Variants in ABR observed in about 807,000 individuals in gnomAD.
ABR encodes the protein active breakpoint cluster region-related protein.
ABR carries 35 observed loss-of-function variants against 107.2 expected under a neutral mutation model. That is an observed-to-expected ratio of 0.33 (90% CI 0.25 to 0.43). The LOEUF (loss-of-function observed/expected upper bound fraction) is 0.43. Among genes scored for constraint, ABR ranks in the 20% least tolerant of loss-of-function variants. The pLI, the probability that ABR is intolerant of heterozygous loss-of-function variation, is 1.00. For missense variants in ABR, 815 were observed against 1,115.2 expected (o/e 0.73, Z 3.83); for synonymous variants, 498 against 462.0 (o/e 1.08, Z -1.00).
chr17:1,058,793 C>T lies in ABR; in HGVS notation c.1257G>A (p.Leu419=). The change falls in exon 11 of 23, where the codon CTG becomes CTA. Residue 419 remains leucine (L), a synonymous_variant. Coordinates refer to ENST00000302538, the MANE Select transcript of ABR (RefSeq NM_021962.5). The stretch of plus-strand genomic sequence containing the variant: ...TGAACGGGATTGTGGGGGAGTTGAG[C>T]AGCAGCAGGAACTCATTCTCAAACA... ...KKMFENEFLL[L]LNSPTIPFRI... 3 of 1,614,058 alleles carry T rather than the reference C, an allele frequency of 1.9e-6. No individual in the cohort carries two copies. Among genetic ancestry groups the T allele is most frequent in the Non-Finnish European group, 1.7e-6 (2 of 1,180,018 alleles).
At chr17:1,006,263 T>G in intron 22 of ABR, 94 bp from the exon 23 acceptor site, 1 of 1,165,364 alleles carries the variant, frequency 8.6e-7, no homozygotes, top group Non-Finnish European at 1.2e-6. Context: ...CTCCCTAGAC[T>G]GGCTCCGGCC....
chr17:1,156,568 C>T (rs1292128732), intron 1 of ABR, among the ~76,000 whole-genome samples: 1 of 152,100 alleles, frequency 6.6e-6, no homozygotes, highest in Non-Finnish European at 1.5e-5. Context: ...CCTACAATCC[C>T]AGCTACTTGG....
chr17:1,137,791 A>G (rs58957705), intron 1 of ABR, among the ~76,000 whole-genome samples: 2,066 of 152,122 alleles, frequency 0.014, 47 homozygotes, highest in African/African-American at 0.047. Context: ...GCCGTAAAGC[A>G]AGGTACGCCC....
chr17:1,202,980 G>C (rs547362338), intron 1 of ABR, among the ~76,000 whole-genome samples: 2 of 149,206 alleles, frequency 1.3e-5, no homozygotes, highest in Admixed American at 1.3e-4. Context: ...TCCGCCTCCC[G>C]AGTTCAAGCA....
rs2041106010 is a variant in ABR at position 1,157,743 on chromosome 17, G to A, written c.61+21924C>T. On this transcript the variant is annotated intron_variant, in intron 1 of 22. Transcript: ENST00000302538. The surrounding 1 kb of genome is among the most constrained non-coding windows in gnomAD (Gnocchi z 4.7). ...CACGCCAATGCGTGCGGACAGCCTGGTGGGATCAGCAGGACCATGACCTGA... is the reference window on the plus strand; with the variant it reads ...CACGCCAATGCGTGCGGACAGCCTGATGGGATCAGCAGGACCATGACCTGA... 6.6e-6 allele frequency among the ~76,000 whole-genome samples: 1 copy of A among 152,244 alleles called. No homozygotes were observed. The highest frequency in any genetic ancestry group is 1.5e-5 in the Non-Finnish European group (1 of 68,046).
intron 12 of ABR, 99 bp downstream of exon 12, chr17:1,057,871 G>T: frequency 9.0e-7 from 1 of 1,107,366 alleles, no homozygotes; most frequent in African/African-American, 1.5e-5. Flanking sequence ...TGACTGCGAG[G>T]GCCAAAGACG....
intron 16 of ABR, among the ~76,000 whole-genome samples, chr17:1,040,727 C>T (rs891001134): frequency 1.3e-5 from 2 of 152,182 alleles, no homozygotes; most frequent in African/African-American, 4.8e-5. Flanking sequence ...TGCCAGGCCC[C>T]GGGTCCAGGG....
chr17:1,113,654 G>A (rs1056981335), intron 2 of ABR, among the ~76,000 whole-genome samples: 1 of 152,136 alleles, frequency 6.6e-6, no homozygotes, highest in African/African-American at 2.4e-5. Context: ...ACTCCCCGTT[G>A]GCTGCGTCAG....
chr17:1,024,551 G>A (rs371925290), intron 16 of ABR, among the ~76,000 whole-genome samples: 15 of 152,276 alleles, frequency 9.9e-5, no homozygotes, highest in Admixed American at 3.3e-4. Context: ...TGTGGGAGGC[G>A]GAGGCAGGTG....
At chr17:1,164,595 A>G (rs1166585549) in intron 1 of ABR, among the ~76,000 whole-genome samples, 1 of 152,252 alleles carries the variant, frequency 6.6e-6, no homozygotes, top group African/African-American at 2.4e-5. Context: ...CAAGACGCCC[A>G]GTGAACATGA....
chr17:1,079,226 C>CA, intron 6 of ABR, 104 bp downstream of exon 6: 1 of 1,520,400 alleles, frequency 6.6e-7, no homozygotes, highest in South Asian at 1.2e-5. Flanking sequence ...CACGCGCTCA[C>CA]ACACACGCAC....
intron 16 of ABR, among the ~76,000 whole-genome samples, chr17:1,032,186 T>C (rs959286172): frequency 1.3e-5 from 2 of 151,980 alleles, no homozygotes; most frequent in Non-Finnish European, 2.9e-5. Context: ...GGGGGCTGCA[T>C]TTTGGCCACA....
At chr17:1,182,195 G>C (rs1176276039), upstream of ABR, 1 of 152,124 alleles carries the variant, frequency 6.6e-6, no homozygotes, top group Non-Finnish European at 1.5e-5. Context: ...TGTGTGCCCG[G>C]CTTAGCGTTT....
chr17:1,040,013 C>T (rs1187146446), intron 16 of ABR, among the ~76,000 whole-genome samples: 2 of 152,182 alleles, frequency 1.3e-5, no homozygotes, highest in Non-Finnish European at 2.9e-5. Flanking sequence ...TCAAGGCCTC[C>T]CTCAGGGCCA....
chr17:1,189,935 C>T (rs62087714), upstream of ABR, among the ~76,000 whole-genome samples: 93,865 of 151,740 alleles, frequency 0.62, 30,619 homozygotes, highest in Middle Eastern at 0.79. Flanking sequence ...AAGCATATTC[C>T]TGGTCACAAA....
chr17:1,059,695 G>GTTTT (rs2033712826), intron 10 of ABR, among the ~76,000 whole-genome samples: 1 of 152,154 alleles, frequency 6.6e-6, no homozygotes, highest in African/African-American at 2.4e-5. Context: ...TGTCTGTTTC[G>GTTTT]TAAAGGACCC....
intron 16 of ABR, among the ~76,000 whole-genome samples, chr17:1,047,012 C>G (rs1438778734): frequency 2.0e-5 from 3 of 152,372 alleles, no homozygotes; most frequent in African/African-American, 7.2e-5. Flanking sequence ...TGCCCCACTG[C>G]CCCATCAGGC....
chr17:1,218,719 G>A (rs748233800), intron 1 of ABR, among the ~76,000 whole-genome samples: 5 of 152,188 alleles, frequency 3.3e-5, no homozygotes, highest in African/African-American at 4.8e-5. Context: ...ACAAATGGAC[G>A]ATTTCAAACT....
chr17:1,078,849 AG>A lies in ABR; in HGVS notation c.700+480del. 6.5e-7 allele frequency: 1 copy of A among 1,535,596 alleles called. No individual in the cohort carries two copies. Among genetic ancestry groups the A allele is most frequent in the Non-Finnish European group, 8.7e-7 (1 of 1,146,828 alleles). ...GTTACAGCAGAAGCGAATAATGAGGAGAATCTCCATGGCAGCCTCTGTCCCC... is the reference window on the plus strand; with the variant it reads ...GTTACAGCAGAAGCGAATAATGAGGAAATCTCCATGGCAGCCTCTGTCCCC... On this transcript the variant is annotated intron_variant, in intron 6 of 22. Coordinates refer to ENST00000302538, the MANE Select transcript of ABR (RefSeq NM_021962.5). The surrounding 1 kb of genome is among the most constrained non-coding windows in gnomAD (Gnocchi z 7.5).
Sources: gnomAD v4.1 joint callset for allele counts (sites outside exome capture counted in the v4.1 genomes callset) on GRCh38, gnomAD v4.1.1 for gene constraint, Gnocchi (gnomAD v3.1) non-coding constraint, MANE v1.5 for transcripts, NCBI Gene and HGNC (gene_info 2026-07-23, HGNC 2026-07-21) for gene names.